Variants in FGD1 observed in about 807,000 individuals in gnomAD.
FGD1 encodes the protein FYVE, RhoGEF and PH domain-containing protein 1.
In FGD1, 12 loss-of-function variants were observed where a neutral mutation model predicts 65.0. That is an observed-to-expected ratio of 0.18 (90% CI 0.12 to 0.30). The LOEUF is 0.30. Among genes scored for constraint, FGD1 ranks in the 10% least tolerant of loss-of-function variants. The probability of loss-of-function intolerance (pLI) is 1.00; values close to 1 mark genes in which losing one functional copy is unlikely to be tolerated. For synonymous variants in FGD1, 333 were observed against 343.9 expected, an observed-to-expected ratio of 0.97 and a Z score of 0.35; for missense variants, 542 against 837.6, an observed-to-expected ratio of 0.65 and a Z score of 4.36.
At chrX:54,491,443 C>G (rs1363612530) in intron 1 of FGD1, among the ~76,000 whole-genome samples, 1 of 112,262 alleles carries the variant, frequency 8.9e-6, no homozygotes, top group East Asian at 2.8e-4. Context: ...TGTTTAATCC[C>G]ATGCCTCCAT....
At chrX:54,479,524 T>C (rs759529893) in intron 1 of FGD1, among the ~76,000 whole-genome samples, 40 of 110,237 alleles carry the variant, frequency 3.6e-4, no homozygotes, top group African/African-American at 1.3e-3. Context: ...TTCTGCTTGT[T>C]GTGAGCAATC....
chrX:54,483,940 G>C (rs1260130316), intron 1 of FGD1, among the ~76,000 whole-genome samples: 2 of 110,749 alleles, frequency 1.8e-5, no homozygotes, highest in African/African-American at 3.3e-5. Context: ...CCCATCTTCC[G>C]GGCCTCTACG....
At chrX:54,480,678 G>C (rs1319670145) in intron 1 of FGD1, among the ~76,000 whole-genome samples, 1 of 108,304 alleles carries the variant, frequency 9.2e-6, no homozygotes, top group Non-Finnish European at 1.9e-5. Flanking sequence ...TTTAGACAGA[G>C]TGTTACTCTG....
At chrX:54,464,644 G>C (rs772929716) in intron 8 of FGD1, among the ~76,000 whole-genome samples, 1 of 110,576 alleles carries the variant, frequency 9.0e-6, no homozygotes, top group South Asian at 3.9e-4. Flanking sequence ...TGGGGTAGGC[G>C]GGGGGAGCTC....
intron 1 of FGD1, among the ~76,000 whole-genome samples, chrX:54,482,851 C>T (rs56384106): frequency 0.13 from 14,700 of 110,675 alleles, 1,490 homozygotes; most frequent in African/African-American, 0.34. Flanking sequence ...TGGTAGTCAG[C>T]GAGGGATACA....
At chrX:54,493,711 G>T (rs1430315589) in intron 1 of FGD1, among the ~76,000 whole-genome samples, 2 of 112,274 alleles carry the variant, frequency 1.8e-5, no homozygotes, top group Non-Finnish European at 3.8e-5. Flanking sequence ...GCCAGCAGAA[G>T]TAACATGCAG....
chrX:54,456,602 C>G (rs1300952808), intron 8 of FGD1, 35 bp from the exon 9 acceptor site: 1 of 1,125,793 alleles, frequency 8.9e-7, no homozygotes, highest in East Asian at 3.0e-5. Flanking sequence ...AGATGGGGGA[C>G]TAGCAGAGAG....
intron 1 of FGD1, among the ~76,000 whole-genome samples, chrX:54,486,007 T>TCA (rs1447109127): frequency 4.5e-5 from 5 of 110,618 alleles, no homozygotes. Context: ...TCTCTTGACC[T>TCA]TGTGATCCAC....
intron 1 of FGD1, among the ~76,000 whole-genome samples, chrX:54,486,341 C>T (rs1238449320): frequency 9.1e-6 from 1 of 110,176 alleles, no homozygotes; most frequent in Non-Finnish European, 1.9e-5. Flanking sequence ...CTCCACCTCC[C>T]GGGTTCAAGT....
At chrX:54,491,929 C>T (rs770552873) in intron 1 of FGD1, among the ~76,000 whole-genome samples, 1 of 109,560 alleles carries the variant, frequency 9.1e-6, no homozygotes, top group Non-Finnish European at 1.9e-5. Context: ...CAGTTTCCCC[C>T]ATTACCCACA....
Position 54,465,821 on chromosome X carries a change from G to C in FGD1, c.1372C>G (p.Gln458Glu). The C allele has an allele frequency of 1.7e-6, 2 of 1,211,814 alleles. No homozygotes were observed. The highest frequency in any genetic ancestry group is 2.2e-6 in the Non-Finnish European group (2 of 895,474). ...ATCTTGAGGAAGGGGGCCAGTTTCTGCAGGATGTCTCCAATGCGTGGATAG... is the reference window on the plus strand; with the variant it reads ...ATCTTGAGGAAGGGGGCCAGTTTCTCCAGGATGTCTCCAATGCGTGGATAG... ...DRYPRIGDIL[Q>E]KLAPFLKMYG... Residue 458 changes from glutamine to glutamate, a missense_variant, in exon 7 of 18, where the codon CAG (glutamine) becomes GAG (glutamate). By Grantham distance (29) the Gln-to-Glu change is conservative. This residue lies in a region of FGD1 where 41 missense variants were observed against 109.5 expected (regional missense o/e 0.37). Transcript: ENST00000375135.
At chrX:54,466,769 T>TGA (rs397959372) in intron 6 of FGD1, among the ~76,000 whole-genome samples, 5 of 109,203 alleles carry the variant, frequency 4.6e-5, no homozygotes, top group Admixed American at 9.8e-5. Context: ...TTTTTTTTTT[T>TGA]GAGAGAGTCT....
At position 54,484,466 on chromosome X, in the gene FGD1, C is replaced by T. The variant is rs769175271; in HGVS notation, c.307+10660G>A. On this transcript the variant is annotated intron_variant, in intron 1 of 17. Coordinates refer to ENST00000375135, the MANE Select transcript of FGD1 (RefSeq NM_004463.3). ...AAATAAAGAAATGCCCCCCTTGCTC[C>T]CCTCTTTCACTCTCCCTTCCCCTGT... Among the ~76,000 whole-genome samples, 14 of 111,697 alleles carry T rather than the reference C, an allele frequency of 1.3e-4. No individual in the cohort carries two copies. In the South Asian group the frequency reaches 5.3e-3, roughly 42 times the overall value.
chrX:54,468,069 G>T, intron 5 of FGD1, 137 bp from the exon 6 acceptor site: 1 of 556,021 alleles, frequency 1.8e-6, no homozygotes. Context: ...CAGGGAATGG[G>T]GTTAGGGTTA....
rs1383316675 is a variant in FGD1 at position 54,470,664 on chromosome X, C to T, written c.578G>A (p.Arg193Gln). The T allele has an allele frequency of 9.7e-6, 8 of 828,805 alleles. No individual in the cohort carries two copies. In the East Asian group the frequency reaches 3.5e-4, roughly 36 times the overall value. 68.3% of individuals were successfully genotyped at this position (828,805 alleles called of 1,213,427 possible). ...PPSRPLPADPRVAKGLAPRAE... is the reference protein window; with the variant it reads ...PPSRPLPADPQVAKGLAPRAE... ...CCTGGGAGCCAGGCCCTTGGCCACTCGGGGGTCGGCAGGCAGTGGGCGTGA... is the reference window on the plus strand; with the variant it reads ...CCTGGGAGCCAGGCCCTTGGCCACTTGGGGGTCGGCAGGCAGTGGGCGTGA... Residue 193 changes from arginine to glutamine, a missense_variant, in exon 3 of 18, where the codon CGA (arginine) becomes CAA (glutamine). By Grantham distance (43) the Arg-to-Gln change is conservative. This residue lies in a region of FGD1 where 297 missense variants were observed against 326.8 expected (regional missense o/e 0.91). Transcript: ENST00000375135.
Position 54,445,770 on chromosome X carries a change from T to C in FGD1, c.*339A>G. 5.1e-6 allele frequency: 1 copy of C among 194,217 alleles called. No individual in the cohort carries two copies. Among genetic ancestry groups the C allele is most frequent in the Non-Finnish European group, 9.2e-6 (1 of 108,759 alleles). 16.0% of individuals were successfully genotyped at this position (194,217 alleles called of 1,213,427 possible). A position where few individuals can be genotyped will look rare whatever the true frequency, so the allele number is the denominator to read the frequency against. On this transcript the variant is annotated 3_prime_UTR_variant, in exon 18 of 18. Coordinates refer to ENST00000375135, the MANE Select transcript of FGD1 (RefSeq NM_004463.3). ...CACTTGAATCCAGGTCTCCTACCTC[T>C]GGTGCTTTGTGGGGAACTGGGTGGA... is the stretch of plus-strand genomic sequence containing the variant.
chrX:54,486,406 G>A (rs1466269544), intron 1 of FGD1, among the ~76,000 whole-genome samples: 2 of 111,184 alleles, frequency 1.8e-5, no homozygotes, highest in Middle Eastern at 4.8e-3. Flanking sequence ...GCGCCACCAC[G>A]CCCAGCTAAT....
chrX:54,469,217 G>C (rs1187979758), intron 4 of FGD1, among the ~76,000 whole-genome samples: 1 of 112,105 alleles, frequency 8.9e-6, no homozygotes, highest in Non-Finnish European at 1.9e-5. Flanking sequence ...TCACTAGCTT[G>C]TGTAAGTTCT....
chrX:54,495,075 A>G (rs1316081414), intron 1 of FGD1, 51 bp downstream of exon 1: 1 of 1,134,106 alleles, frequency 8.8e-7, no homozygotes, highest in Admixed American at 2.6e-5. Flanking sequence ...ACCCGCTCCC[A>G]GTACCAGGCC....
Sources: allele counts gnomAD v4.1 joint callset (sites outside exome capture counted in the v4.1 genomes callset), GRCh38; gene constraint gnomAD v4.1.1; regional missense constraint gnomAD v4.1.1; transcripts MANE v1.5; gene names NCBI Gene and HGNC (gene_info 2026-07-23, HGNC 2026-07-21).